FRY: variants seen among roughly 807,000 people sequenced by gnomAD.
FRY encodes the protein FRY microtubule binding protein.
In FRY, 128 loss-of-function variants were observed where a neutral mutation model predicts 348.4. The ratio of observed to expected loss-of-function variants is 0.37; its 90% CI spans 0.32 to 0.43. The LOEUF is 0.43. FRY is among the 20% of genes least tolerant of loss of function. The probability of loss-of-function intolerance (pLI) is 1.00; values close to 1 mark genes in which losing one functional copy is unlikely to be tolerated. For missense variants in FRY, 2,736 were observed against 3,695.2 expected, an observed-to-expected ratio of 0.74 and a Z score of 6.73; for synonymous variants, 1,370 against 1,374.7, an observed-to-expected ratio of 1.00 and a Z score of 0.08.
chr13:32,036,093 G>A (rs1402891432), intron 1 of FRY, among the ~76,000 whole-genome samples: 1 of 152,160 alleles, frequency 6.6e-6, no homozygotes, highest in Non-Finnish European at 1.5e-5. Context: ...TGTTTATGTT[G>A]CAAGTGTACC....
chr13:32,192,709 A>G (rs1392921412), intron 28 of FRY, among the ~76,000 whole-genome samples: 1 of 151,540 alleles, frequency 6.6e-6, no homozygotes, highest in Non-Finnish European at 1.5e-5. Context: ...AGAAGAGTGA[A>G]CAACTTTAAG....
chr13:32,210,683 G>A (rs1884634280), intron 33 of FRY, among the ~76,000 whole-genome samples, 183 bp from the exon 34 acceptor site: 1 of 152,142 alleles, frequency 6.6e-6, no homozygotes, highest in Non-Finnish European at 1.5e-5. Context: ...TATCAGACGT[G>A]CCGATGAAGA....
In FRY at chr13:32,147,840, C is replaced by T. The variant is rs1471853366; in HGVS notation, c.1285C>T (p.Arg429Ter). The change falls in exon 13 of 61, where the codon CGA becomes TGA. Residue 429 changes from arginine to a stop codon, truncating the protein, a stop_gained and splice_region_variant. Coordinates refer to ENST00000542859, the MANE Select transcript of FRY (RefSeq NM_023037.3). LOFTEE classifies it high-confidence loss of function. ...TCTCTTTTCCCCCTTATCTTTCAGC[C>T]GACTTATAACCATCATCACAACACT... is the stretch of plus-strand genomic sequence containing the variant. ...KCESNTATQS[R>*]LITIITTLFP... is the part of the protein sequence containing the mutation. 1.3e-6 allele frequency: 2 copies of T among 1,582,728 alleles called. No homozygotes were observed. The highest frequency in any genetic ancestry group is 1.7e-5 in the Admixed American group (1 of 59,958).
At chr13:32,146,712 T>G (rs1683360982) in intron 11 of FRY, among the ~76,000 whole-genome samples, 1 of 152,156 alleles carries the variant, frequency 6.6e-6, no homozygotes, top group African/African-American at 2.4e-5. Flanking sequence ...CTTGCTTCTG[T>G]CCCTACCAGT....
chr13:32,271,762 A>G (rs1432371053), intron 55 of FRY, among the ~76,000 whole-genome samples: 1 of 152,242 alleles, frequency 6.6e-6, no homozygotes, highest in Admixed American at 6.5e-5. Flanking sequence ...GTCTGGTAAC[A>G]GTTAACTCTC....
At chr13:32,196,662 G>C (rs1401962587) in intron 29 of FRY, among the ~76,000 whole-genome samples, 1 of 152,086 alleles carries the variant, frequency 6.6e-6, no homozygotes, top group Non-Finnish European at 1.5e-5. Flanking sequence ...TGACTCTGGT[G>C]ATATTAGGAG....
chr13:32,228,493 G>C lies in FRY; in HGVS notation c.5244G>C (p.Pro1748=). 1.2e-6 allele frequency: 2 copies of C among 1,612,930 alleles called. No homozygotes were observed. The highest frequency in any genetic ancestry group is 1.7e-6 in the Non-Finnish European group (2 of 1,179,802). ...FDFLREDQSS[P]VPDSGLSSSS... ...TCCTGAGAGAGGACCAGTCATCCCC[G>C]GTGCCTGACTCAGGGCTTAGTTCAA... is the stretch of plus-strand genomic sequence containing the variant. Residue 1748 remains proline (P), a synonymous_variant, in exon 40 of 61, where the codon CCG becomes CCC. Coordinates refer to ENST00000542859, the MANE Select transcript of FRY (RefSeq NM_023037.3).
intron 38 of FRY, 75 bp from the exon 39 acceptor site, chr13:32,225,714 T>G (rs555811696): frequency 2.7e-6 from 3 of 1,114,630 alleles, no homozygotes; most frequent in Non-Finnish European, 4.1e-6. Context: ...CTGAGTATCC[T>G]GGAATCTTTA....
chr13:32,192,350 G>GTGCAGTGGCTGGAA (rs1391436475), intron 28 of FRY, among the ~76,000 whole-genome samples: 7 of 151,742 alleles, frequency 4.6e-5, no homozygotes, highest in Non-Finnish European at 1.0e-4. Flanking sequence ...CCCGGCTGGA[G>GTGCAGTGGCTGGAA]TGCAGTGGCT....
Position 32,031,930 on chromosome 13 carries a change from GAA to G in FRY, c.70+68_70+69del, listed in dbSNP as rs1872241889. 9 of 927,964 alleles carry G rather than the reference GAA, an allele frequency of 9.7e-6. 1 individual carries two copies. The South Asian group carries it at 1.2e-4, about 12-fold the overall frequency. The allele number at this position is 927,964 out of a possible 1,614,324, so 57.5% of individuals were successfully genotyped here. On this transcript the variant is annotated intron_variant, in intron 1 of 60. Coordinates refer to ENST00000542859, the MANE Select transcript of FRY (RefSeq NM_023037.3). ...TGGATGTTGCATAAGGCTGGAGACA[GAA>G]AATCTCAACTGGACACATATGTTTG... is the stretch of plus-strand genomic sequence containing the variant.
At chr13:32,166,236 A>C (rs1881727843) in intron 17 of FRY, among the ~76,000 whole-genome samples, 1 of 152,194 alleles carries the variant, frequency 6.6e-6, no homozygotes, top group Admixed American at 6.5e-5. Flanking sequence ...GCTTTCTCTT[A>C]AAGTCTTTCT....
At chr13:32,249,716 G>C in intron 49 of FRY, 29 bp downstream of exon 49, 1 of 1,606,610 alleles carries the variant, frequency 6.2e-7, no homozygotes, top group Non-Finnish European at 8.5e-7. Flanking sequence ...ACAGTCCTGG[G>C]AGGGAGTTTA....
chr13:32,268,505 A>AATATATATATATATATATAT (rs869298149), intron 55 of FRY, among the ~76,000 whole-genome samples: 12 of 28,244 alleles, frequency 4.2e-4, no homozygotes, highest in Admixed American at 1.5e-3. Context: ...AAAAAAAAAA[A>AATATATATATATATATATAT]ATATATATAT....
rs979638584 is a variant in FRY, at chr13:32,297,309, A to G, written c.*1849A>G. 6.6e-6 allele frequency: 1 copy of G among 152,192 alleles called. No individual in the cohort carries two copies. Among genetic ancestry groups the G allele is most frequent in the Non-Finnish European group, 1.5e-5 (1 of 68,038 alleles). 9.4% of individuals were successfully genotyped at this position (152,192 alleles called of 1,614,324 possible). ...TGAAAGATGATTTGCTATGATTTGT[A>G]GAAACAACTGAATCATGATCTCTCT... On this transcript the variant is annotated 3_prime_UTR_variant, in exon 61 of 61. Transcript: ENST00000542859.
At chr13:32,072,218 T>C (rs1248213220) in intron 1 of FRY, among the ~76,000 whole-genome samples, 1 of 152,212 alleles carries the variant, frequency 6.6e-6, no homozygotes, top group Non-Finnish European at 1.5e-5. Context: ...TCCATAAAAA[T>C]GGGAGGAATA....
chr13:32,095,614 A>AT (rs1032407735), intron 2 of FRY, among the ~76,000 whole-genome samples: 47 of 152,188 alleles, frequency 3.1e-4, no homozygotes, highest in African/African-American at 1.1e-3. Context: ...AAGTGCTGAG[A>AT]TTATAGGCGT....
chr13:32,074,398 ATT>A lies in FRY; in HGVS notation c.71-4435_71-4434del, dbSNP rs879471612. 5.1e-3 allele frequency among the ~76,000 whole-genome samples: 781 copies of A among 152,346 alleles called. 3 individuals carry two copies. The highest frequency in any genetic ancestry group is 0.017 in the Middle Eastern group (5 of 294). On this transcript the variant is annotated intron_variant, in intron 1 of 60. Transcript: ENST00000542859. ...TAAAGAGAAGACAAATTTCAAACGG[ATT>A]CAATAATTAGAAACCTAATTAATAT...
At chr13:32,186,214 ACAGTATGTC>A (rs1337897660) in intron 26 of FRY, 37 bp from the exon 27 acceptor site, 4 of 1,345,208 alleles carry the variant, frequency 3.0e-6, no homozygotes, top group Non-Finnish European at 4.3e-6. Flanking sequence ...ATAGCGATAT[ACAGTATGTC>A]CAGTCTTATA....
intron 1 of FRY, among the ~76,000 whole-genome samples, chr13:32,068,911 C>CTTT (rs142807722): frequency 1.4e-4 from 12 of 82,858 alleles, no homozygotes; most frequent in Non-Finnish European, 2.8e-4. Context: ...ATGTTCAATT[C>CTTT]TTTTTTTTTT....
Sources: allele counts gnomAD v4.1 joint callset (sites outside exome capture counted in the v4.1 genomes callset), GRCh38; gene constraint gnomAD v4.1.1; transcripts MANE v1.5; gene names NCBI Gene and HGNC (gene_info 2026-07-23, HGNC 2026-07-21).